The following SLC5A9 variants were observed in gnomAD, a reference collection of about 807,000 sequenced individuals.
The protein encoded by SLC5A9 is sodium/glucose cotransporter 4.
SLC5A9 carries 59 observed loss-of-function variants against 70.9 expected under a neutral mutation model. The observed-to-expected ratio is 0.83, with a 90% CI of 0.68 to 1.03. The LOEUF (loss-of-function observed/expected upper bound fraction) is 1.03. Ranked by LOEUF, SLC5A9 falls within the 50% of genes least tolerant of loss-of-function variation. The probability of loss-of-function intolerance (pLI) is 0.00; values close to 1 mark genes in which losing one functional copy is unlikely to be tolerated. For missense variants in SLC5A9, 832 were observed against 881.1 expected, an observed-to-expected ratio of 0.94 and a Z score of 0.71; for synonymous variants, 340 against 346.5, an observed-to-expected ratio of 0.98 and a Z score of 0.21.
Position 48,247,336 on chromosome 1 carries a change from C to G in SLC5A9, c.1839C>G (p.Ala613=). Residue 613 remains alanine (A), a splice_region_variant and synonymous_variant, in exon 14 of 14, where the codon GCC becomes GCG. Transcript: ENST00000438567. ...NSSLGQEQPE[A]PSRSWGKLLW... ...TGTCTTCTGGCTTTGTCCCTCCAGC[C>G]CCAAGCAGGTCCTGGGGAAAGTTGC... 1 of 1,613,824 alleles carries G rather than the reference C, an allele frequency of 6.2e-7. No individual in the cohort carries two copies. Among genetic ancestry groups the G allele is most frequent in the East Asian group, 2.2e-5 (1 of 44,840 alleles).
At position 48,247,369 on chromosome 1, in the gene SLC5A9, C is replaced by A. The variant is rs748338968; in HGVS notation, c.1872C>A (p.Ser624Arg). 8 of 1,613,982 alleles carry A rather than the reference C, an allele frequency of 5.0e-6. No individual in the cohort carries two copies. The highest frequency in any genetic ancestry group is 8.5e-7 in the Non-Finnish European group (1 of 1,180,014). ...GGTCCTGGGGAAAGTTGCTCTGGAG[C>A]TGGTTCTGTGGGCTCTCTGGAACAC... is the stretch of plus-strand genomic sequence containing the variant. ...PSRSWGKLLW[S>R]WFCGLSGTPE... The change falls in exon 14 of 14, where the codon AGC (serine) becomes AGA (arginine). Residue 624 changes from serine to arginine, a missense_variant. Coordinates refer to ENST00000438567, the MANE Select transcript of SLC5A9 (RefSeq NM_001011547.3).
At chr1:48,241,942 A>T (rs1304688681) in intron 12 of SLC5A9, 1 of 456,008 alleles carries the variant, frequency 2.2e-6, no homozygotes, top group Non-Finnish European at 4.4e-6. Flanking sequence ...CCATTTCCTC[A>T]GGTGCCCATT....
At chr1:48,244,911 A>ATAT (rs1557486574) in intron 13 of SLC5A9, among the ~76,000 whole-genome samples, 2 of 23,370 alleles carry the variant, frequency 8.6e-5, no homozygotes, top group Admixed American at 5.3e-4. Context: ...TATATATATA[A>ATAT]AACCTCTGTC....
At chr1:48,229,016 A>G (rs762372312) in intron 3 of SLC5A9, 62 bp downstream of exon 3, 44 of 1,613,302 alleles carry the variant, frequency 2.7e-5, no homozygotes, top group African/African-American at 6.7e-5. Flanking sequence ...TGTCTCTGGC[A>G]TTAGTGCTGG....
rs780208311 is a variant in SLC5A9, at chr1:48,232,394, A to T, written c.925A>T (p.Lys309Ter). 2 of 1,614,002 alleles carry T rather than the reference A, an allele frequency of 1.2e-6. No individual in the cohort carries two copies. Among genetic ancestry groups the T allele is most frequent in the Non-Finnish European group, 1.7e-6 (2 of 1,180,022 alleles). Residue 309 changes from lysine (K) to a stop codon, truncating the protein, a stop_gained, in exon 8 of 14, where the codon AAG (lysine) becomes TAG (stop). Coordinates refer to ENST00000438567, the MANE Select transcript of SLC5A9 (RefSeq NM_001011547.3). LOFTEE classifies it high-confidence loss of function. ...QVIVQRSLSA[K>*]SLSHAKGGSV... is the part of the protein sequence containing the mutation. ...CATTGTGCAGCGGTCTCTCTCGGCC[A>T]AGAGTCTGTCTCATGCCAAGGGAGG...
chr1:48,233,075 AAAG>A (rs1322736351), intron 8 of SLC5A9, among the ~76,000 whole-genome samples: 1 of 151,890 alleles, frequency 6.6e-6, no homozygotes, highest in Non-Finnish European at 1.5e-5. Context: ...AAAGAAAAGA[AAAG>A]AAGGCCAGGC....
chr1:48,242,744 G>A (rs1424122013), intron 13 of SLC5A9, 128 bp downstream of exon 13: 43 of 899,392 alleles, frequency 4.8e-5, no homozygotes, highest in Non-Finnish European at 6.2e-5. Context: ...CCTTTCCCAC[G>A]TGGCTACTGA....
intron 11 of SLC5A9, 56 bp downstream of exon 11, chr1:48,237,903 G>A: frequency 6.4e-7 from 1 of 1,564,370 alleles, no homozygotes; most frequent in Non-Finnish European, 8.7e-7. Context: ...GACCTGGTCT[G>A]TCAATCACCT....
rs868702520 is a variant in SLC5A9 at position 48,231,688 on chromosome 1, C to G, written c.691+63C>G. On this transcript the variant is annotated intron_variant, in intron 6 of 13. Transcript: ENST00000438567. ...TAAATTCCTCTCTGTCCTGTCTCTG[C>G]CACCTCCACAGTTCGATTGAAACTT... The G allele has an allele frequency of 3.8e-6, 6 of 1,589,386 alleles. No individual in the cohort carries two copies. The Middle Eastern group carries it at 1.0e-3, about 264-fold the overall frequency.
At chr1:48,231,754 G>A in intron 6 of SLC5A9, 129 bp downstream of exon 6, 1 of 1,511,588 alleles carries the variant, frequency 6.6e-7, no homozygotes, top group Non-Finnish European at 8.9e-7. Flanking sequence ...CCCTCTCCAG[G>A]CTGCAGCTCC....
chr1:48,231,490 C>G, intron 5 of SLC5A9, 55 bp from the exon 6 acceptor site: 1 of 1,605,000 alleles, frequency 6.2e-7, no homozygotes, highest in Non-Finnish European at 8.5e-7. Flanking sequence ...GGGCAGGCAG[C>G]CAGAGAGGAC....
chr1:48,224,631 C>A, intron 1 of SLC5A9, 93 bp from the exon 2 acceptor site: 1 of 1,277,086 alleles, frequency 7.8e-7, no homozygotes, highest in Non-Finnish European at 1.1e-6. Context: ...CCCCACAGTG[C>A]CTGCACCGAG....
At chr1:48,229,094 A>G (rs566722918) in intron 3 of SLC5A9, 140 bp downstream of exon 3, 2 of 1,614,088 alleles carry the variant, frequency 1.2e-6, no homozygotes, top group East Asian at 4.5e-5. Context: ...TTGAGAATCC[A>G]TTTCACAGAT....
rs1271949329 is a variant in SLC5A9 at position 48,228,959 on chromosome 1, G to A, written c.339+5G>A. On this transcript the variant is annotated splice_donor_5th_base_variant and intron_variant, in intron 3 of 13. Transcript: ENST00000438567. ...GTAGGTGGCTTCGAGTGGAACGTAA[G>A]GAAGCTGGCCTGGTTTCTCCAGAAT... is the stretch of plus-strand genomic sequence containing the variant. 5.0e-6 allele frequency: 8 copies of A among 1,613,208 alleles called. No homozygotes were observed. Among genetic ancestry groups the A allele is most frequent in the Non-Finnish European group, 6.8e-6 (8 of 1,180,026 alleles).
At position 48,237,797 on chromosome 1, in the gene SLC5A9, A is replaced by C; in HGVS notation, c.1411A>C (p.Ile471Leu). ...QAVTSYLAPP[I>L]TALFLLAIFC... is the part of the protein sequence containing the mutation. The stretch of plus-strand genomic sequence containing the variant: ...TGTCACCAGTTACCTGGCCCCACCC[A>C]TCACCGCTCTCTTCCTGCTGGCCAT... The change falls in exon 11 of 14, where the codon ATC (isoleucine) becomes CTC (leucine). Residue 471 changes from isoleucine to leucine, a missense_variant. Transcript: ENST00000438567. 6.2e-7 allele frequency: 1 copy of C among 1,614,062 alleles called. No individual in the cohort carries two copies. The highest frequency in any genetic ancestry group is 1.1e-5 in the South Asian group (1 of 91,078).
intron 13 of SLC5A9, among the ~76,000 whole-genome samples, chr1:48,246,678 C>T (rs1048193496): frequency 1.3e-5 from 2 of 152,192 alleles, no homozygotes; most frequent in Non-Finnish European, 2.9e-5. Context: ...ATATCATATA[C>T]ACCAGAACCT....
chr1:48,247,284 C>A, intron 13 of SLC5A9, 51 bp from the exon 14 acceptor site: 1 of 1,561,188 alleles, frequency 6.4e-7, no homozygotes, highest in South Asian at 1.1e-5. Context: ...CTCCAATCTT[C>A]TTTGCCTCTC....
At chr1:48,228,691 C>T (rs1644199558) in intron 2 of SLC5A9, 159 bp from the exon 3 acceptor site, 1 of 1,226,070 alleles carries the variant, frequency 8.2e-7, no homozygotes, top group Non-Finnish European at 1.1e-6. Flanking sequence ...TAATACCCCT[C>T]CCTGCGGATA....
Position 48,231,944 on chromosome 1 carries a change from A to G in SLC5A9, c.692-2A>G, listed in dbSNP as rs768603373. The G allele has an allele frequency of 1.2e-6, 2 of 1,613,996 alleles. No homozygotes were observed. Among genetic ancestry groups the G allele is most frequent in the Admixed American group, 3.3e-5 (2 of 59,998 alleles). ...GCTGCTTCACTCACTGTCTCCTCAC[A>G]GGCTTTCAGGACGTGGGCTGGTACC... is the stretch of plus-strand genomic sequence containing the variant. On this transcript the variant is annotated splice_acceptor_variant, in intron 6 of 13. Transcript: ENST00000438567. LOFTEE classifies it high-confidence loss of function.
Sources: gnomAD v4.1 joint callset for allele counts (sites outside exome capture counted in the v4.1 genomes callset) on GRCh38, gnomAD v4.1.1 for gene constraint, MANE v1.5 for transcripts, NCBI Gene and HGNC (gene_info 2026-07-23, HGNC 2026-07-21) for gene names.